Variants in ROR1 observed in about 807,000 individuals in gnomAD.
ROR1 encodes the protein inactive tyrosine-protein kinase transmembrane receptor ROR1.
ROR1 carries 19 observed loss-of-function variants against 78.8 expected under a neutral mutation model. That is an observed-to-expected ratio of 0.24 (90% CI 0.17 to 0.35). The LOEUF is 0.35. Among genes scored for constraint, ROR1 ranks in the 10% least tolerant of loss-of-function variants. The probability of loss-of-function intolerance (pLI) is 1.00; values close to 1 mark genes in which losing one functional copy is unlikely to be tolerated. For synonymous variants in ROR1, 386 were observed against 433.6 expected, an observed-to-expected ratio of 0.89 and a Z score of 1.36; for missense variants, 917 against 1,177.8, an observed-to-expected ratio of 0.78 and a Z score of 3.24.
At chr1:63,886,756 A>G (rs1239667397) in intron 1 of ROR1, among the ~76,000 whole-genome samples, 1 of 152,156 alleles carries the variant, frequency 6.6e-6, no homozygotes, top group Non-Finnish European at 1.5e-5. Flanking sequence ...TTAAACTATT[A>G]GGAGAGAAAA....
chr1:64,008,794 A>G (rs934232194), intron 1 of ROR1, among the ~76,000 whole-genome samples: 4 of 151,900 alleles, frequency 2.6e-5, no homozygotes, highest in Non-Finnish European at 5.9e-5. Context: ...GCCACCAGGC[A>G]GGGCTAATTT....
chr1:63,982,366 T>C (rs1043975017), intron 1 of ROR1, among the ~76,000 whole-genome samples: 1 of 152,200 alleles, frequency 6.6e-6, no homozygotes, highest in Non-Finnish European at 1.5e-5. Flanking sequence ...CTTTGAAAAT[T>C]GCAAAGCGCT....
intron 2 of ROR1, among the ~76,000 whole-genome samples, chr1:64,040,449 C>T (rs937584296): frequency 2.6e-5 from 4 of 152,102 alleles, no homozygotes; most frequent in African/African-American, 9.7e-5. Flanking sequence ...ATGATACCTT[C>T]TCATAATAAA....
intron 1 of ROR1, among the ~76,000 whole-genome samples, chr1:63,795,375 T>C (rs995607814): frequency 6.6e-6 from 1 of 152,210 alleles, no homozygotes; most frequent in African/African-American, 2.4e-5. Context: ...AGTGGTAGAA[T>C]AGAATAAGAA....
At chr1:64,134,905 C>T (rs1213882928) in intron 4 of ROR1, among the ~76,000 whole-genome samples, 1 of 151,996 alleles carries the variant, frequency 6.6e-6, no homozygotes, top group Non-Finnish European at 1.5e-5. Context: ...CCTGCCACCA[C>T]ACCCAACTAA....
intron 1 of ROR1, among the ~76,000 whole-genome samples, chr1:63,801,409 C>G (rs1205324015): frequency 2.0e-5 from 3 of 152,096 alleles, no homozygotes; most frequent in Non-Finnish European, 4.4e-5. Flanking sequence ...ATTCTCCTGC[C>G]TCAGCCTCCT....
intron 1 of ROR1, among the ~76,000 whole-genome samples, chr1:63,835,928 A>G (rs941687959): frequency 2.0e-5 from 3 of 152,234 alleles, no homozygotes; most frequent in African/African-American, 7.2e-5. Context: ...TAAAGCTGAC[A>G]CTAGCCCCAC....
chr1:63,956,790 CT>C (rs1645986184), intron 1 of ROR1, among the ~76,000 whole-genome samples: 1 of 152,142 alleles, frequency 6.6e-6, no homozygotes, highest in South Asian at 2.1e-4. Flanking sequence ...AGAAATAAGT[CT>C]TCTCCCACTT....
chr1:64,015,137 T>C (rs1039936127), intron 2 of ROR1, among the ~76,000 whole-genome samples: 11 of 151,884 alleles, frequency 7.2e-5, no homozygotes, highest in African/African-American at 2.2e-4. Flanking sequence ...TTTAAAACCA[T>C]CAGATCTCAT....
At chr1:63,897,107 A>C (rs1047693925) in intron 1 of ROR1, among the ~76,000 whole-genome samples, 3 of 152,170 alleles carry the variant, frequency 2.0e-5, no homozygotes, top group African/African-American at 7.2e-5. Context: ...CTTATTCACT[A>C]TTGGTACTGC....
intron 1 of ROR1, among the ~76,000 whole-genome samples, chr1:63,971,063 A>G (rs1213498628): frequency 6.6e-6 from 1 of 152,124 alleles, no homozygotes; most frequent in Non-Finnish European, 1.5e-5. Context: ...GCCAGTACAG[A>G]TGGGGGTCAG....
chr1:63,823,465 T>TC (rs1431104306), intron 1 of ROR1, among the ~76,000 whole-genome samples: 3 of 150,084 alleles, frequency 2.0e-5, no homozygotes, highest in Non-Finnish European at 4.4e-5. Flanking sequence ...TTTTTTTTTT[T>TC]TTGAGATAGG....
At chr1:64,120,553 A>G (rs1648492983) in intron 4 of ROR1, among the ~76,000 whole-genome samples, 1 of 151,594 alleles carries the variant, frequency 6.6e-6, no homozygotes, top group African/African-American at 2.4e-5. Context: ...AGTGTATTTT[A>G]CACTTACCAC....
At chr1:64,144,300 T>C (rs986020651) in intron 7 of ROR1, among the ~76,000 whole-genome samples, 16 of 152,110 alleles carry the variant, frequency 1.1e-4, no homozygotes, top group Non-Finnish European at 1.5e-5. Context: ...AAAGAGATAC[T>C]GAGGAGGCAG....
At chr1:63,804,169 C>T (rs1417483022) in intron 1 of ROR1, among the ~76,000 whole-genome samples, 1 of 152,024 alleles carries the variant, frequency 6.6e-6, no homozygotes, top group African/African-American at 2.4e-5. Flanking sequence ...GAAGGAGGAT[C>T]ATGAGGCAAC....
At chr1:63,956,760 A>G (rs998221423) in intron 1 of ROR1, among the ~76,000 whole-genome samples, 1 of 152,200 alleles carries the variant, frequency 6.6e-6, no homozygotes, top group African/African-American at 2.4e-5. Context: ...AAAGAATTCG[A>G]ACCTGACTGA....
chr1:63,994,211 T>G (rs1290909014), intron 1 of ROR1, among the ~76,000 whole-genome samples: 1 of 152,224 alleles, frequency 6.6e-6, no homozygotes, highest in African/African-American at 2.4e-5. Context: ...ATTTTTTTTC[T>G]TTCTGATTGG....
rs562610393 is a variant in ROR1 at position 64,127,430 on chromosome 1, T to C, written c.483-9939T>C. On this transcript the variant is annotated intron_variant, in intron 4 of 8. Coordinates refer to ENST00000371079, the MANE Select transcript of ROR1 (RefSeq NM_005012.4). The stretch of plus-strand genomic sequence containing the variant: ...CTCTCTCTTTCTCTGTCTCTCTCTG[T>C]CTCTCTCCTCTTTCTCTTTCCTCTG... 2.2e-3 allele frequency among the ~76,000 whole-genome samples: 337 copies of C among 152,102 alleles called. 3 individuals carry two copies. The highest frequency in any genetic ancestry group is 7.6e-3 in the African/African-American group (314 of 41,516).
chr1:63,981,468 T>G (rs1646209470), intron 1 of ROR1, among the ~76,000 whole-genome samples: 1 of 152,154 alleles, frequency 6.6e-6, no homozygotes, highest in Non-Finnish European at 1.5e-5. Context: ...AGGGCAGGGT[T>G]TCCTTGATGA....
Sources: gnomAD v4.1 joint callset for allele counts (sites outside exome capture counted in the v4.1 genomes callset) on GRCh38, gnomAD v4.1.1 for gene constraint, MANE v1.5 for transcripts, NCBI Gene and HGNC (gene_info 2026-07-23, HGNC 2026-07-21) for gene names.